SRPRB: variants seen among roughly 807,000 people sequenced by gnomAD.
SRPRB encodes SRP receptor subunit beta.
In SRPRB, 20 loss-of-function variants were observed where a neutral mutation model predicts 31.9. The ratio of observed to expected loss-of-function variants is 0.63; its 90% CI spans 0.44 to 0.91. The LOEUF is 0.91. Ranked by LOEUF, SRPRB falls within the 40% of genes least tolerant of loss-of-function variation. The probability of loss-of-function intolerance (pLI) is 0.00; values close to 1 mark genes in which losing one functional copy is unlikely to be tolerated. For synonymous variants in SRPRB, 146 were observed against 132.8 expected (o/e 1.10, Z -0.68); for missense variants, 321 against 324.9 (o/e 0.99, Z 0.09).
In SRPRB at chr3:133,819,614, C is replaced by T. The variant is rs1402490457; in HGVS notation, c.664C>T (p.Pro222Ser). The T allele has an allele frequency of 1.2e-5, 19 of 1,614,090 alleles. No individual in the cohort carries two copies. Among genetic ancestry groups the T allele is most frequent in the Non-Finnish European group, 1.5e-5 (18 of 1,180,040 alleles). ...CACACTGGACAGTTCCAGCACTGCC[C>T]CTGCTCAGCTGGGGAAGAAAGGCAA... ...PSTLDSSSTAPAQLGKKGKEF... is the reference protein window; with the variant it reads ...PSTLDSSSTASAQLGKKGKEF... The change falls in exon 7 of 7, where the codon CCT becomes TCT. Residue 222 changes from proline to serine, a missense_variant. Transcript: ENST00000678299.
intron 4 of SRPRB, among the ~76,000 whole-genome samples, chr3:133,815,188 A>G (rs975018287): frequency 2.0e-5 from 3 of 152,124 alleles, no homozygotes; most frequent in African/African-American, 4.8e-5. Context: ...CTGTGCCCCA[A>G]TTTTTGGTCT....
chr3:133,795,570 A>AT (rs745790067), intron 1 of SRPRB: 2,364 of 98,316 alleles, frequency 0.024, 59 homozygotes, highest in African/African-American at 0.062. Flanking sequence ...AAAAAGTGGA[A>AT]TTTTTTTTTT....
Position 133,819,417 on chromosome 3 carries a change from T to C in SRPRB, c.603-136T>C, listed in dbSNP as rs902762505. ...AGAGGGACTTATAAATGCAAAGGAT[T>C]ATTCAACAATCTTAATAGCATAATT... On this transcript the variant is annotated intron_variant, in intron 6 of 6. Transcript: ENST00000678299. 7 of 695,670 alleles carry C rather than the reference T, an allele frequency of 1.0e-5. No homozygotes were observed. The Admixed American group carries it at 1.6e-4, about 16-fold the overall frequency. The allele number at this position is 695,670 out of a possible 1,614,324, so 43.1% of individuals were successfully genotyped here. A position where few individuals can be genotyped will look rare whatever the true frequency, so the allele number is the denominator to read the frequency against.
intron 1 of SRPRB, chr3:133,795,841 G>T (rs1934954794): frequency 6.6e-6 from 1 of 152,274 alleles, no homozygotes; most frequent in South Asian, 2.1e-4. Context: ...CTCCCAAAGT[G>T]CTGGGATAAC....
chr3:133,805,089 T>G (rs1379417043), upstream of SRPRB, among the ~76,000 whole-genome samples: 4 of 152,212 alleles, frequency 2.6e-5, no homozygotes, highest in Admixed American at 2.6e-4. Context: ...AACACCTACC[T>G]GGCTGAATAG....
rs1393015613 is a variant in SRPRB at position 133,815,716 on chromosome 3, C to T, written c.537C>T (p.Cys179=). 2 of 1,612,934 alleles carry T rather than the reference C, an allele frequency of 1.2e-6. No homozygotes were observed. Among genetic ancestry groups the T allele is most frequent in the Admixed American group, 1.7e-5 (1 of 59,902 alleles). Residue 179 remains cysteine, a synonymous_variant, in exon 5 of 7, where the codon TGC becomes TGT. Transcript: ENST00000678299. The stretch of plus-strand genomic sequence containing the variant: ...ATACACCATCATTCTTAATAGCCTG[C>T]AATAAGCAAGGTGCCATCATGTTTT... ...LKNTPSFLIA[C]NKQDIAMAKS...
intron 1 of SRPRB, chr3:133,793,448 G>A (rs143854010): frequency 7.7e-4 from 117 of 152,090 alleles, no homozygotes; most frequent in African/African-American, 2.5e-3. Flanking sequence ...CAAAAGAGAG[G>A]TAAACAGAAT....
downstream of SRPRB, chr3:133,828,467 A>C: frequency 2.4e-6 from 1 of 418,174 alleles, no homozygotes; most frequent in Non-Finnish European, 4.3e-6. Context: ...TCAAATAAAA[A>C]TGACTACATT....
At chr3:133,806,116 A>C (rs550008081) in intron 1 of SRPRB, 114 bp downstream of exon 1, 8 of 1,386,056 alleles carry the variant, frequency 5.8e-6, no homozygotes, top group Middle Eastern at 2.6e-4. Context: ...GGGCATCAGG[A>C]GGGTGAGACC....
chr3:133,805,964 C>CAGT lies in SRPRB; in HGVS notation c.120_122dup (p.Val42dup), dbSNP rs1438202519. Reference sequence around the variant, plus strand: ...CAGCAGACGGACCCAACGCTGTTGTCAGTAGTGGTGGCGGTTCTTGCGGTG... The same window carrying CAGT: ...CAGCAGACGGACCCAACGCTGTTGTCAGTAGTAGTGGTGGCGGTTCTTGCGGTG... On this transcript the variant is annotated inframe_insertion, in exon 1 of 7. Transcript: ENST00000678299. 6.2e-7 allele frequency: 1 copy of CAGT among 1,613,600 alleles called. No homozygotes were observed. The highest frequency in any genetic ancestry group is 8.5e-7 in the Non-Finnish European group (1 of 1,179,662).
Position 133,819,578 on chromosome 3 carries a change from G to C in SRPRB, c.628G>C (p.Ala210Pro). ...CAACACCTTACGAGTTACCCGTTCT[G>C]CTGCCCCCAGCACACTGGACAGTTC... ...ELNTLRVTRSAAPSTLDSSST... is the reference protein window; with the variant it reads ...ELNTLRVTRSPAPSTLDSSST... Residue 210 changes from alanine (A) to proline (P), a missense_variant, in exon 7 of 7, where the codon GCT (alanine) becomes CCT (proline). Coordinates refer to ENST00000678299, the MANE Select transcript of SRPRB (RefSeq NM_001379313.1). 1 of 1,614,080 alleles carries C rather than the reference G, an allele frequency of 6.2e-7. No individual in the cohort carries two copies. The highest frequency in any genetic ancestry group is 8.5e-7 in the Non-Finnish European group (1 of 1,179,956).
chr3:133,806,470 G>A (rs1935162111), intron 1 of SRPRB, 139 bp from the exon 2 acceptor site: 4 of 655,212 alleles, frequency 6.1e-6, no homozygotes. Context: ...AACAGCAATA[G>A]TAACCATTAT....
At chr3:133,805,330 C>T (rs1935130289), upstream of SRPRB, among the ~76,000 whole-genome samples, 3 of 152,212 alleles carry the variant, frequency 2.0e-5, no homozygotes, top group African/African-American at 7.2e-5. Context: ...GATGCTAACT[C>T]ATTCTTCAGG....
chr3:133,811,589 T>G (rs1935263492), intron 4 of SRPRB, among the ~76,000 whole-genome samples: 2 of 60,738 alleles, frequency 3.3e-5, no homozygotes, highest in Admixed American at 1.5e-4. Flanking sequence ...TGTTTTTTTG[T>G]TTTTTTTTTT....
At chr3:133,817,923 A>G (rs149734490) in intron 6 of SRPRB, among the ~76,000 whole-genome samples, 34 of 152,362 alleles carry the variant, frequency 2.2e-4, no homozygotes, top group Non-Finnish European at 4.1e-4. Flanking sequence ...GCCAAGAGTA[A>G]ATCGACATTT....
chr3:133,798,476 A>T (rs191077774), intron 1 of SRPRB, among the ~76,000 whole-genome samples: 1 of 152,220 alleles, frequency 6.6e-6, no homozygotes, highest in Admixed American at 6.5e-5. Context: ...TTCATTTTAA[A>T]TTGAACATTA....
chr3:133,806,903 T>TC (rs372616394), intron 2 of SRPRB, among the ~76,000 whole-genome samples, 200 bp downstream of exon 2: 1 of 152,102 alleles, frequency 6.6e-6, no homozygotes. Context: ...CTTTTTTTTT[T>TC]CTGTTTGCCC....
intron 3 of SRPRB, among the ~76,000 whole-genome samples, chr3:133,809,621 T>C (rs1053153537): frequency 6.6e-6 from 1 of 152,166 alleles, no homozygotes; most frequent in African/African-American, 2.4e-5. Context: ...TACTCCAGGA[T>C]ATGCTTTAAA....
intron 1 of SRPRB, among the ~76,000 whole-genome samples, chr3:133,800,150 A>G (rs2107963260): frequency 6.6e-6 from 1 of 152,216 alleles, no homozygotes; most frequent in East Asian, 1.9e-4. Context: ...TTAAGACATC[A>G]TTTGTTCTCT....
Sources: allele counts gnomAD v4.1 joint callset (sites outside exome capture counted in the v4.1 genomes callset), GRCh38; gene constraint gnomAD v4.1.1; transcripts MANE v1.5; gene names NCBI Gene and HGNC (gene_info 2026-07-23, HGNC 2026-07-21).